The following CAMK2G variants were observed in gnomAD, a reference collection of about 807,000 sequenced individuals.
The protein encoded by CAMK2G is calcium/calmodulin dependent protein kinase II gamma, also known as calcium/calmodulin-dependent protein kinase type II subunit gamma.
A neutral mutation model predicts 88.7 loss-of-function variants in CAMK2G; 23 were observed. That is an observed-to-expected ratio of 0.26 (90% CI 0.19 to 0.37). The LOEUF (loss-of-function observed/expected upper bound fraction) is 0.37, where lower values mean the gene tolerates loss of function less well. Among genes scored for constraint, CAMK2G ranks in the 10% least tolerant of loss-of-function variants. The pLI, the probability that CAMK2G is intolerant of heterozygous loss-of-function variation, is 1.00. For synonymous variants in CAMK2G, 263 were observed against 294.8 expected (o/e 0.89, Z 1.11); for missense variants, 476 against 780.8 (o/e 0.61, Z 4.65).
At chr10:73,865,432 G>A (rs953965315) in intron 2 of CAMK2G, among the ~76,000 whole-genome samples, 7 of 152,074 alleles carry the variant, frequency 4.6e-5, no homozygotes, top group Admixed American at 6.6e-5. Context: ...TACCTGCCCC[G>A]CTCTCCCCGT....
intron 3 of CAMK2G, among the ~76,000 whole-genome samples, chr10:73,855,388 G>GACTA (rs1252327969): frequency 6.6e-6 from 1 of 152,226 alleles, no homozygotes; most frequent in East Asian, 1.9e-4. Context: ...TTAGGGAGGT[G>GACTA]ACTAACAGCA....
chr10:73,825,121 G>A (rs1322951401), intron 16 of CAMK2G, among the ~76,000 whole-genome samples, 158 bp downstream of exon 16: 4 of 152,202 alleles, frequency 2.6e-5, no homozygotes, highest in Non-Finnish European at 5.9e-5. Context: ...GGACAATGAA[G>A]GGGAAGGGGC....
At chr10:73,872,693 C>G (rs1042896113) in intron 2 of CAMK2G, among the ~76,000 whole-genome samples, 5 of 152,232 alleles carry the variant, frequency 3.3e-5, no homozygotes, top group Non-Finnish European at 7.3e-5. Flanking sequence ...GCTCCCCATT[C>G]TGTACCACCC....
At chr10:73,817,179 T>G in intron 20 of CAMK2G, 62 bp from the exon 21 acceptor site, 7 of 1,545,470 alleles carry the variant, frequency 4.5e-6, no homozygotes, top group South Asian at 1.3e-5. Flanking sequence ...TCTTCCTTCC[T>G]TATCAGCGGT....
intron 1 of CAMK2G, 41 bp from the exon 2 acceptor site, chr10:73,873,124 G>A (rs1177514887): frequency 1.5e-6 from 2 of 1,365,074 alleles, no homozygotes; most frequent in Admixed American, 3.4e-5. Context: ...ACGGAGCAGG[G>A]CAGAGTGACA....
intron 17 of CAMK2G, among the ~76,000 whole-genome samples, chr10:73,822,036 A>C (rs1254299160): frequency 3.3e-5 from 5 of 152,188 alleles, no homozygotes; most frequent in Admixed American, 2.6e-4. Flanking sequence ...TTCTGCCTCC[A>C]AAGTAAACCC....
chr10:73,857,389 C>CA (rs1296575383), intron 3 of CAMK2G, among the ~76,000 whole-genome samples: 1 of 152,114 alleles, frequency 6.6e-6, no homozygotes, highest in Non-Finnish European at 1.5e-5. Context: ...AATAACTTGC[C>CA]AGAGGTCACA....
At chr10:73,850,561 C>T (rs1425475896) in intron 5 of CAMK2G, among the ~76,000 whole-genome samples, 1 of 152,216 alleles carries the variant, frequency 6.6e-6, no homozygotes, top group Admixed American at 6.5e-5. Context: ...ACAGGAGAGG[C>T]CTCACAACAA....
intron 19 of CAMK2G, chr10:73,817,906 T>C (rs2086271048): frequency 6.9e-6 from 2 of 288,600 alleles, no homozygotes; most frequent in South Asian, 1.3e-4. Flanking sequence ...ATGAGCAGCC[T>C]CTCTCACAAG....
intron 14 of CAMK2G, among the ~76,000 whole-genome samples, chr10:73,832,276 C>G (rs779151327): frequency 6.6e-6 from 1 of 151,730 alleles, no homozygotes; most frequent in Non-Finnish European, 1.5e-5. Flanking sequence ...CACGTTTCTT[C>G]AAACCAAATT....
At chr10:73,820,464 T>TTATATATATATA (rs71483976) in intron 18 of CAMK2G, among the ~76,000 whole-genome samples, 29 of 74,076 alleles carry the variant, frequency 3.9e-4, no homozygotes, top group African/African-American at 1.3e-3. Context: ...GGTTTTATAT[T>TTATATATATATA]TATATATATA....
At chr10:73,866,632 G>T (rs1409833689) in intron 2 of CAMK2G, among the ~76,000 whole-genome samples, 1 of 152,142 alleles carries the variant, frequency 6.6e-6, no homozygotes, top group Non-Finnish European at 1.5e-5. Context: ...TATTTTGCAG[G>T]TCTGTGCCTA....
intron 14 of CAMK2G, 124 bp from the exon 15 acceptor site, chr10:73,828,245 AC>A (rs939502462): frequency 1.1e-4 from 86 of 775,050 alleles, no homozygotes; most frequent in Non-Finnish European, 1.8e-4. Flanking sequence ...GCGGAGGGAG[AC>A]CCGGAGTCCA....
At chr10:73,854,960 G>T (rs2094919996) in intron 3 of CAMK2G, among the ~76,000 whole-genome samples, 1 of 152,076 alleles carries the variant, frequency 6.6e-6, no homozygotes, top group Admixed American at 6.5e-5. Context: ...GGGATCAAAG[G>T]CAGGTGATAC....
intron 16 of CAMK2G, among the ~76,000 whole-genome samples, chr10:73,824,529 A>G (rs1157503629): frequency 6.6e-6 from 1 of 152,234 alleles, no homozygotes; most frequent in East Asian, 1.9e-4. Flanking sequence ...AGAAAGAGCC[A>G]GGACAGGAGG....
intron 5 of CAMK2G, 136 bp from the exon 6 acceptor site, chr10:73,849,469 C>T (rs1242353175): frequency 1.6e-6 from 1 of 634,046 alleles, no homozygotes; most frequent in African/African-American, 1.8e-5. Flanking sequence ...GCCACTGGAA[C>T]CTTAGACTCT....
In CAMK2G at chr10:73,842,393, G is replaced by C; in HGVS notation, c.903+65C>G. The C allele has an allele frequency of 7.6e-7, 1 of 1,312,922 alleles. No individual in the cohort carries two copies. The highest frequency in any genetic ancestry group is 1.2e-5 in the South Asian group (1 of 85,010). 81.3% of individuals were successfully genotyped at this position (1,312,922 alleles called of 1,614,324 possible). ...GGAGGGGAGCTTCCTTCTGAAATGG[G>C]GCAGGAGCCACACTGGTGCAAGGCA... On this transcript the variant is annotated intron_variant, in intron 11 of 22. Coordinates refer to ENST00000423381, the MANE Select transcript of CAMK2G (RefSeq NM_001367534.1). This position sits in a 1 kb window ranked among gnomAD's most constrained non-coding sequence, Gnocchi z 4.6.
chr10:73,871,849 C>T (rs752940468), intron 2 of CAMK2G, among the ~76,000 whole-genome samples: 9 of 152,140 alleles, frequency 5.9e-5, no homozygotes, highest in Non-Finnish European at 1.2e-4. Flanking sequence ...TAAACAGGTC[C>T]CAGAACAACT....
In CAMK2G at chr10:73,817,103, G is replaced by T; in HGVS notation, c.1454C>A (p.Pro485Gln). Residue 485 changes from proline to glutamine, a missense_variant, in exon 21 of 23, where the codon CCA becomes CAA. Transcript: ENST00000423381. ...CTCAGGCTCAAAGGAAGTGAGGCCT[G>T]GATCACAAATCTTCCTACAGGGAGA... ...DFEAYTKICD[P>Q]GLTSFEPEAL... 1 of 1,609,832 alleles carries T rather than the reference G, an allele frequency of 6.2e-7. No individual in the cohort carries two copies. The highest frequency in any genetic ancestry group is 8.5e-7 in the Non-Finnish European group (1 of 1,178,204).
Sources: gnomAD v4.1 joint callset for allele counts (sites outside exome capture counted in the v4.1 genomes callset) on GRCh38, gnomAD v4.1.1 for gene constraint, Gnocchi (gnomAD v3.1) non-coding constraint, MANE v1.5 for transcripts, NCBI Gene and HGNC (gene_info 2026-07-23, HGNC 2026-07-21) for gene names.